Variants in FMN1 observed in about 807,000 individuals in gnomAD.
The protein encoded by FMN1 is formin-1.
A neutral mutation model predicts 132.4 loss-of-function variants in FMN1; 110 were observed. The observed-to-expected ratio is 0.83, with a 90% confidence interval of 0.71 to 0.97. The LOEUF is 0.97. Ranked by LOEUF, FMN1 falls within the 50% of genes least tolerant of loss-of-function variation. The probability of loss-of-function intolerance (pLI) is 0.00; values close to 1 mark genes in which losing one functional copy is unlikely to be tolerated. For missense variants in FMN1, 1,792 were observed against 1,705.3 expected (o/e 1.05, Z -0.90); for synonymous variants, 722 against 651.7 (o/e 1.11, Z -1.64).
intron 20 of FMN1, among the ~76,000 whole-genome samples, chr15:32,776,509 T>A (rs2056422421): frequency 6.6e-6 from 1 of 152,156 alleles, no homozygotes; most frequent in African/African-American, 2.4e-5. Flanking sequence ...CTGAAGAGAA[T>A]GAATATATTT....
At chr15:32,858,775 CCACATTTTTTT>C (rs1390637357) in intron 16 of FMN1, among the ~76,000 whole-genome samples, 1 of 152,160 alleles carries the variant, frequency 6.6e-6, no homozygotes, top group Non-Finnish European at 1.5e-5. Flanking sequence ...TTCATTTTTT[CCACATTTTTTT>C]CCTTTCTTTG....
intron 4 of FMN1, among the ~76,000 whole-genome samples, chr15:33,105,095 T>C (rs1429268863): frequency 6.6e-6 from 1 of 152,056 alleles, no homozygotes; most frequent in Non-Finnish European, 1.5e-5. Flanking sequence ...TCTCACTGTC[T>C]TCAAAGAGGG....
intron 9 of FMN1, among the ~76,000 whole-genome samples, chr15:32,959,147 C>T (rs2030204196): frequency 6.6e-6 from 1 of 151,818 alleles, no homozygotes; most frequent in African/African-American, 2.4e-5. Flanking sequence ...AGTAATGTAC[C>T]CAGCACTTTC....
intron 5 of FMN1, among the ~76,000 whole-genome samples, chr15:33,080,554 A>G (rs1019410172): frequency 6.6e-6 from 1 of 152,104 alleles, no homozygotes; most frequent in Admixed American, 6.5e-5. Context: ...GGAGTTCAAG[A>G]CCAGCCTGGC....
intron 10 of FMN1, among the ~76,000 whole-genome samples, chr15:32,912,728 A>G (rs1281463013): frequency 6.6e-6 from 1 of 151,990 alleles, no homozygotes; most frequent in Non-Finnish European, 1.5e-5. Context: ...GAAGGAACAC[A>G]TTCAAGGTAT....
At chr15:32,871,588 C>A (rs1470103090) in intron 16 of FMN1, among the ~76,000 whole-genome samples, 1 of 152,008 alleles carries the variant, frequency 6.6e-6, no homozygotes, top group Admixed American at 6.6e-5. Flanking sequence ...CAAACTTATT[C>A]TAGGTTGAGG....
intron 3 of FMN1, among the ~76,000 whole-genome samples, chr15:33,158,272 T>C (rs1249509873): frequency 1.3e-5 from 2 of 152,260 alleles, no homozygotes; most frequent in East Asian, 1.9e-4. Flanking sequence ...AGTACTTTTT[T>C]CCCCTGGTCT....
intron 4 of FMN1, among the ~76,000 whole-genome samples, chr15:33,104,104 AC>A (rs1341682258): frequency 6.6e-6 from 1 of 152,178 alleles, no homozygotes; most frequent in African/African-American, 2.4e-5. Context: ...GCTGAAAAAA[AC>A]TTTTATCAAT....
At chr15:33,132,147 ACTCT>A (rs1370215597) in intron 4 of FMN1, among the ~76,000 whole-genome samples, 3 of 150,526 alleles carry the variant, frequency 2.0e-5, no homozygotes, top group Non-Finnish European at 4.4e-5. Flanking sequence ...CCCATTACTC[ACTCT>A]CTAAGTCCTC....
chr15:32,968,653 A>G lies in FMN1; in HGVS notation c.2987+61T>C, dbSNP rs1042143745. 9.4e-6 allele frequency: 15 copies of G among 1,601,552 alleles called. 1 individual carries two copies. Among genetic ancestry groups the G allele is most frequent in the South Asian group, 4.5e-5 (4 of 88,444 alleles). Reference sequence around the variant, plus strand: ...GAGATATTGACCCGGTAAGAATAAAATATCACTTGGGCCAAATCCTAGGAA... The same window carrying G: ...GAGATATTGACCCGGTAAGAATAAAGTATCACTTGGGCCAAATCCTAGGAA... On this transcript the variant is annotated intron_variant, in intron 8 of 20. Transcript: ENST00000616417.
chr15:32,783,784 A>AAAG lies in FMN1; in HGVS notation c.4131-6866_4131-6865insCTT, dbSNP rs1491184174. On this transcript the variant is annotated intron_variant, in intron 19 of 20. Coordinates refer to ENST00000616417, the MANE Select transcript of FMN1 (RefSeq NM_001277313.2). Reference sequence around the variant, plus strand: ...AAAAAAAAAAAAAAAAAAAAAAAAAATAGTTGAAGTGGCGTGGCTTTCCAT... The same window carrying AAAG: ...AAAAAAAAAAAAAAAAAAAAAAAAAAAAGTAGTTGAAGTGGCGTGGCTTTCCAT... Among the ~76,000 whole-genome samples, 24 of 105,864 alleles carry AAAG rather than the reference A, an allele frequency of 2.3e-4. 8 individuals are homozygous for AAAG. The highest frequency in any genetic ancestry group is 1.4e-3 in the East Asian group (5 of 3,474). 69.5% of individuals were successfully genotyped at this position (105,864 alleles called of 152,430 possible). A position where few individuals can be genotyped will look rare whatever the true frequency, so the allele number is the denominator to read the frequency against.
At chr15:33,171,392 T>C (rs1965316037) in intron 3 of FMN1, among the ~76,000 whole-genome samples, 2 of 152,174 alleles carry the variant, frequency 1.3e-5, no homozygotes, top group Non-Finnish European at 2.9e-5. Context: ...AAATGGTAAT[T>C]GCTCAAGGAG....
At chr15:32,951,870 C>G (rs542997447) in intron 9 of FMN1, among the ~76,000 whole-genome samples, 2 of 152,330 alleles carry the variant, frequency 1.3e-5, no homozygotes, top group South Asian at 4.1e-4. Flanking sequence ...CACACTACCA[C>G]CTTCCATACT....
At chr15:32,930,880 A>G (rs2061098808) in intron 9 of FMN1, among the ~76,000 whole-genome samples, 1 of 152,180 alleles carries the variant, frequency 6.6e-6, no homozygotes, top group African/African-American at 2.4e-5. Flanking sequence ...ATGTTCCAAG[A>G]TAAGGGTCCA....
chr15:32,850,579 A>G (rs1214174829), intron 17 of FMN1, among the ~76,000 whole-genome samples: 2 of 152,194 alleles, frequency 1.3e-5, no homozygotes, highest in Non-Finnish European at 2.9e-5. Context: ...TACACAATTC[A>G]AGCTGTTTGT....
At position 33,153,277 on chromosome 15, in the gene FMN1, C is replaced by T. The variant is rs1294464840; in HGVS notation, c.1638G>A (p.Glu546=). 2.0e-6 allele frequency: 3 copies of T among 1,536,064 alleles called. No individual in the cohort carries two copies. Among genetic ancestry groups the T allele is most frequent in the East Asian group, 4.9e-5 (2 of 40,926 alleles). The change falls in exon 4 of 21, where the codon GAG becomes GAA. Residue 546 remains glutamate (E), a synonymous_variant. Coordinates refer to ENST00000616417, the MANE Select transcript of FMN1 (RefSeq NM_001277313.2). ...GAGAGTCATTAAGAGCAGCTTCCCT[C>T]TCACCAGGCAATGCAGGGAGCCGGA... ...RILRLPALPG[E]REAALNDSPC...
chr15:32,867,720 T>C (rs1357389956), intron 16 of FMN1, among the ~76,000 whole-genome samples: 1 of 152,170 alleles, frequency 6.6e-6, no homozygotes, highest in East Asian at 1.9e-4. Flanking sequence ...CTCAATCTCC[T>C]GACCTCGTGA....
chr15:33,172,855 C>T (rs781094599), intron 3 of FMN1, among the ~76,000 whole-genome samples: 3 of 152,048 alleles, frequency 2.0e-5, no homozygotes, highest in Non-Finnish European at 2.9e-5. Context: ...AGAGAAAGCA[C>T]AGGATTTCAG....
rs190748665 is a variant in FMN1, at chr15:33,109,230, T to C, written c.1868-20256A>G. Among the ~76,000 whole-genome samples the C allele has an allele frequency of 2.6e-4, 40 of 152,212 alleles. No homozygotes were observed. In the East Asian group the frequency reaches 7.3e-3, roughly 28 times the overall value. On this transcript the variant is annotated intron_variant, in intron 4 of 20. Coordinates refer to ENST00000616417, the MANE Select transcript of FMN1 (RefSeq NM_001277313.2). ...TTGTTCTAAAATGCAAGTAAGGTTT[T>C]TGAGGTTCCTGTACAAAAACAACAT...
Sources: gnomAD v4.1 joint callset for allele counts (sites outside exome capture counted in the v4.1 genomes callset) on GRCh38, gnomAD v4.1.1 for gene constraint, MANE v1.5 for transcripts, NCBI Gene and HGNC (gene_info 2026-07-23, HGNC 2026-07-21) for gene names.